Variants in NFATC2 observed in about 807,000 individuals in gnomAD.
The protein encoded by NFATC2 is nuclear factor of activated T cells 2, also known as nuclear factor of activated T-cells, cytoplasmic 2.
In NFATC2, 22 loss-of-function variants were observed where a neutral mutation model predicts 87.3. The observed-to-expected ratio is 0.25, with a 90% CI of 0.18 to 0.36. NFATC2 has a LOEUF of 0.36. NFATC2 is among the 10% of genes least tolerant of loss of function. NFATC2 has a pLI of 1.00. For missense variants in NFATC2, 1,149 were observed against 1,259.1 expected, an observed-to-expected ratio of 0.91 and a Z score of 1.32; for synonymous variants, 565 against 542.2, an observed-to-expected ratio of 1.04 and a Z score of -0.58.
rs77335913 is a variant in NFATC2 at position 51,458,882 on chromosome 20, C to T, written c.1709-4194G>A. On this transcript the variant is annotated intron_variant, in intron 5 of 10. Transcript: ENST00000371564. ...GGTTTTATCTGTGGTACCATCACTG[C>T]AGGGTAATACAGGGCCCTGGGAGCT... Among the ~76,000 whole-genome samples the T allele has an allele frequency of 3.9e-3, 591 of 152,240 alleles. 2 individuals carry two copies. The highest frequency in any genetic ancestry group is 0.013 in the African/African-American group (551 of 41,538).
At chr20:51,537,653 G>A (rs1479477737) in intron 1 of NFATC2, among the ~76,000 whole-genome samples, 1 of 152,172 alleles carries the variant, frequency 6.6e-6, no homozygotes. Context: ...TGTATTACAA[G>A]TTGGGAGAAA....
At chr20:51,435,840 G>T in intron 6 of NFATC2, 79 bp from the exon 7 acceptor site, 1 of 1,199,588 alleles carries the variant, frequency 8.3e-7, no homozygotes, top group Non-Finnish European at 1.2e-6. Context: ...ACCAACTTCT[G>T]TTTATCTTAG....
At chr20:51,551,897 G>C (rs1438522811) in intron 1 of NFATC2, among the ~76,000 whole-genome samples, 1 of 151,878 alleles carries the variant, frequency 6.6e-6, no homozygotes, top group Non-Finnish European at 1.5e-5. Context: ...TGTGGTGGCG[G>C]GTGCCTGTAG....
chr20:51,418,149 C>A (rs1375169795), intron 9 of NFATC2, among the ~76,000 whole-genome samples: 1 of 152,218 alleles, frequency 6.6e-6, no homozygotes, highest in African/African-American at 2.4e-5. Context: ...TGGCTTCCCA[C>A]ACTCAGAGAG....
chr20:51,476,756 G>A (rs1004209931), intron 3 of NFATC2, among the ~76,000 whole-genome samples: 1 of 152,126 alleles, frequency 6.6e-6, no homozygotes, highest in Non-Finnish European at 1.5e-5. Flanking sequence ...GAAAAAAAGT[G>A]AGTAAGATAT....
At chr20:51,428,908 C>T (rs7265691) in intron 9 of NFATC2, among the ~76,000 whole-genome samples, 27,092 of 152,202 alleles carry the variant, frequency 0.18, 3,248 homozygotes, top group East Asian at 0.36. Context: ...GGGTTTAGCA[C>T]GGGCCCCGTG....
At chr20:51,500,650 C>T (rs1233903814) in intron 3 of NFATC2, among the ~76,000 whole-genome samples, 4 of 73,272 alleles carry the variant, frequency 5.5e-5, no homozygotes, top group Non-Finnish European at 9.8e-5. Context: ...ACCCTCACCA[C>T]CCCCCCCTCC....
chr20:51,475,388 C>A (rs1988620156), intron 4 of NFATC2, 70 bp downstream of exon 4: 1 of 1,519,750 alleles, frequency 6.6e-7, no homozygotes, highest in Non-Finnish European at 9.1e-7. Context: ...TCCCCTCTCC[C>A]AAATCCCTGC....
Position 51,562,624 on chromosome 20 carries a change from C to G in NFATC2, c.6G>C (p.Gln2His), listed in dbSNP as rs1568766847. 2.6e-6 allele frequency: 4 copies of G among 1,551,136 alleles called. No homozygotes were observed. The highest frequency in any genetic ancestry group is 1.7e-6 in the Non-Finnish European group (2 of 1,146,574). ...GCCCCAGTCTGAACGCAGCCTCTCTCTGCATCTGGAGGGCACGGGGACTTG... is the reference window on the plus strand; with the variant it reads ...GCCCCAGTCTGAACGCAGCCTCTCTGTGCATCTGGAGGGCACGGGGACTTG... The change falls in exon 1 of 11, where the codon CAG becomes CAC. Residue 2 changes from glutamine to histidine, a missense_variant. Transcript: ENST00000414705. This position sits in a 1 kb window ranked among gnomAD's most constrained non-coding sequence, Gnocchi z 5.8.
chr20:51,461,751 G>A lies in NFATC2; in HGVS notation c.1709-7063C>T, dbSNP rs148617487. Among the ~76,000 whole-genome samples the A allele has an allele frequency of 4.6e-5, 7 of 152,336 alleles. No homozygotes were observed. In the East Asian group the frequency reaches 5.8e-4, roughly 13 times the overall value. On this transcript the variant is annotated intron_variant, in intron 5 of 10. Coordinates refer to ENST00000371564, the MANE Select transcript of NFATC2 (RefSeq NM_012340.5). ...GTCAAGCCGGGTGGCCAAGAATTAC[G>A]ATCTATCCAAGAACCTCAGGAGAGA...
chr20:51,539,665 A>G (rs2076775101), intron 1 of NFATC2, among the ~76,000 whole-genome samples: 1 of 151,960 alleles, frequency 6.6e-6, no homozygotes. Flanking sequence ...TAATTGTTTT[A>G]TTTTTTTATT....
intron 9 of NFATC2, among the ~76,000 whole-genome samples, chr20:51,401,826 G>A (rs1988077942): frequency 6.6e-6 from 1 of 152,080 alleles, no homozygotes; most frequent in Non-Finnish European, 1.5e-5. Flanking sequence ...CTTAATCAAT[G>A]GTGATAATTT....
At chr20:51,531,990 C>T (rs1352835905) in intron 1 of NFATC2, among the ~76,000 whole-genome samples, 1 of 152,196 alleles carries the variant, frequency 6.6e-6, no homozygotes, top group Non-Finnish European at 1.5e-5. Context: ...AACGTGCTTC[C>T]AACACCCTCT....
At chr20:51,521,217 C>T (rs1168631599) in intron 2 of NFATC2, among the ~76,000 whole-genome samples, 1 of 152,278 alleles carries the variant, frequency 6.6e-6, no homozygotes, top group Non-Finnish European at 1.5e-5. Flanking sequence ...CCATTTTCAT[C>T]TGGTATGGGG....
At chr20:51,441,144 A>G (rs574204952) in intron 6 of NFATC2, among the ~76,000 whole-genome samples, 1 of 152,100 alleles carries the variant, frequency 6.6e-6, no homozygotes, top group Non-Finnish European at 1.5e-5. Flanking sequence ...TTAGCGAGGC[A>G]TGGTGGCGGG....
Position 51,498,852 on chromosome 20 carries a change from G to C in NFATC2, c.1332+17932C>G, listed in dbSNP as rs2076032514. On this transcript the variant is annotated intron_variant, in intron 3 of 10. Coordinates refer to ENST00000371564, the MANE Select transcript of NFATC2 (RefSeq NM_012340.5). The stretch of plus-strand genomic sequence containing the variant: ...AGAAAGGGGATCTATTTTGGTAGGA[G>C]AATCAGGGGAAGCTGCTTTGAGGAG... Among the ~76,000 whole-genome samples the C allele has an allele frequency of 2.0e-5, 3 of 152,328 alleles. No homozygotes were observed. In the South Asian group the frequency reaches 6.2e-4, roughly 32 times the overall value.
chr20:51,537,821 T>C lies in NFATC2; in HGVS notation c.130+4549A>G, dbSNP rs1352486738. On this transcript the variant is annotated intron_variant, in intron 1 of 10. Transcript: ENST00000371564. ...GGTCTTTCTGTCACTGTGTACTTGGTTGTCTCCTCCACTAGAAAGAAAATT... is the reference window on the plus strand; with the variant it reads ...GGTCTTTCTGTCACTGTGTACTTGGCTGTCTCCTCCACTAGAAAGAAAATT... Among the ~76,000 whole-genome samples the C allele has an allele frequency of 2.0e-5, 3 of 152,254 alleles. No homozygotes were observed. The East Asian group carries it at 5.8e-4, about 29-fold the overall frequency.
At chr20:51,467,056 G>A (rs1987758735) in intron 5 of NFATC2, among the ~76,000 whole-genome samples, 3 of 132,438 alleles carry the variant, frequency 2.3e-5, no homozygotes, top group Non-Finnish European at 4.6e-5. Context: ...TGAGCAACAA[G>A]AGCGAGACTT....
Position 51,476,342 on chromosome 20 carries a change from TAA to T in NFATC2, c.1333-684_1333-683del, listed in dbSNP as rs564690943. ...TGAACAAAGTTTGATTGTGTAACTT[TAA>T]AAAAGAGTGTGACAAAAATGCCATA... On this transcript the variant is annotated intron_variant, in intron 3 of 10. Coordinates refer to ENST00000371564, the MANE Select transcript of NFATC2 (RefSeq NM_012340.5). Among the ~76,000 whole-genome samples the T allele has an allele frequency of 3.4e-3, 519 of 151,124 alleles. 3 individuals carry two copies. Among genetic ancestry groups the T allele is most frequent in the African/African-American group, 0.012 (489 of 41,154 alleles).
Sources: gnomAD v4.1 joint callset for allele counts (sites outside exome capture counted in the v4.1 genomes callset) on GRCh38, gnomAD v4.1.1 for gene constraint, Gnocchi (gnomAD v3.1) non-coding constraint, MANE v1.5 for transcripts, NCBI Gene and HGNC (gene_info 2026-07-23, HGNC 2026-07-21) for gene names.